Variants in TXNRD1 observed in about 807,000 individuals in gnomAD.
The protein encoded by TXNRD1 is thioredoxin reductase 1, cytoplasmic.
In TXNRD1, 57 loss-of-function variants were observed where a neutral mutation model predicts 80.3. The observed-to-expected ratio is 0.71, with a 90% CI of 0.57 to 0.89. The LOEUF (loss-of-function observed/expected upper bound fraction) is 0.89, where lower values mean the gene tolerates loss of function less well. Among genes scored for constraint, TXNRD1 ranks in the 40% least tolerant of loss-of-function variants. The pLI is 0.00. For missense variants in TXNRD1, 730 were observed against 803.0 expected, an observed-to-expected ratio of 0.91 and a Z score of 1.10; for synonymous variants, 291 against 285.2, an observed-to-expected ratio of 1.02 and a Z score of -0.20.
intron 1 of TXNRD1, among the ~76,000 whole-genome samples, chr12:104,224,294 A>G (rs1435382820): frequency 2.6e-5 from 4 of 152,106 alleles, no homozygotes; most frequent in African/African-American, 9.7e-5. Context: ...CTTTCTGGAC[A>G]TCTGTGGCTC....
At chr12:104,250,471 G>A (rs1489801376) in intron 1 of TXNRD1, among the ~76,000 whole-genome samples, 1 of 152,098 alleles carries the variant, frequency 6.6e-6, no homozygotes, top group Non-Finnish European at 1.5e-5. Context: ...TAAAGTGTAG[G>A]TTCTAGAGAA....
chr12:104,229,571 T>TTATTTTATTTTATTGTATTG (rs1555205616), intron 1 of TXNRD1, among the ~76,000 whole-genome samples: 9 of 148,066 alleles, frequency 6.1e-5, no homozygotes, highest in African/African-American at 2.3e-4. Flanking sequence ...ACATTTTATT[T>TTATTTTATTTTATTGTATTG]TATTTTATTT....
chr12:104,233,536 T>C (rs1174217769), intron 1 of TXNRD1, among the ~76,000 whole-genome samples: 4 of 152,234 alleles, frequency 2.6e-5, no homozygotes, highest in Non-Finnish European at 5.9e-5. Flanking sequence ...ACTCATTTTT[T>C]TCTGGATGGA....
At chr12:104,323,780 G>A (rs1180696767) in intron 10 of TXNRD1, among the ~76,000 whole-genome samples, 2 of 142,722 alleles carry the variant, frequency 1.4e-5, no homozygotes, top group African/African-American at 5.1e-5. Flanking sequence ...TCACCTCCCG[G>A]ACGGGGCGGC....
At chr12:104,235,349 C>T (rs10861174) in intron 1 of TXNRD1, among the ~76,000 whole-genome samples, 33,736 of 151,846 alleles carry the variant, frequency 0.22, 4,259 homozygotes, top group Middle Eastern at 0.4. Flanking sequence ...AGATTGGGAA[C>T]GGATGTGCGT....
At chr12:104,275,165 C>T (rs186612475) in intron 3 of TXNRD1, among the ~76,000 whole-genome samples, 29 of 151,142 alleles carry the variant, frequency 1.9e-4, no homozygotes, top group Admixed American at 8.6e-4. Flanking sequence ...GTAATCCCAG[C>T]TACTCGGGTG....
intron 10 of TXNRD1, among the ~76,000 whole-genome samples, chr12:104,324,932 T>C (rs2035703282): frequency 6.6e-6 from 1 of 152,206 alleles, no homozygotes; most frequent in African/African-American, 2.4e-5. Flanking sequence ...GCATCTGTAG[T>C]CAAAAGAGAA....
At chr12:104,278,499 T>TA (rs1459103053) in intron 3 of TXNRD1, among the ~76,000 whole-genome samples, 1 of 70,952 alleles carries the variant, frequency 1.4e-5, no homozygotes, top group Non-Finnish European at 2.5e-5. Context: ...GCGCCCAGCC[T>TA]AATTTTTTTT....
At chr12:104,220,438 T>G (rs568549131) in intron 1 of TXNRD1, among the ~76,000 whole-genome samples, 1 of 152,174 alleles carries the variant, frequency 6.6e-6, no homozygotes, top group African/African-American at 2.4e-5. Context: ...AAAAGTGTAT[T>G]TTAGGCCAGG....
At chr12:104,252,477 AGGGTGGAC>A (rs1431260355) in intron 2 of TXNRD1, among the ~76,000 whole-genome samples, 2 of 151,194 alleles carry the variant, frequency 1.3e-5, no homozygotes. Context: ...TGAATAAACC[AGGGTGGAC>A]TTAACCATTA....
intron 1 of TXNRD1, among the ~76,000 whole-genome samples, chr12:104,249,108 G>C (rs185461298): frequency 1.5e-3 from 230 of 152,336 alleles, no homozygotes; most frequent in Non-Finnish European, 2.4e-3. Context: ...ATCAACAACA[G>C]AAAACAATTT....
intron 3 of TXNRD1, among the ~76,000 whole-genome samples, chr12:104,260,797 C>T (rs1249644487): frequency 6.6e-6 from 1 of 152,096 alleles, no homozygotes. Context: ...GAAAAATAAC[C>T]AAACGGAACA....
chr12:104,342,694 C>T (rs1199255776), intron 16 of TXNRD1, among the ~76,000 whole-genome samples: 1 of 151,960 alleles, frequency 6.6e-6, no homozygotes, highest in African/African-American at 2.4e-5. Flanking sequence ...GCTGGAGAAA[C>T]AGGTGGGTAA....
chr12:104,329,871 G>A (rs1434818135), intron 13 of TXNRD1, among the ~76,000 whole-genome samples: 1 of 152,160 alleles, frequency 6.6e-6, no homozygotes, highest in African/African-American at 2.4e-5. Flanking sequence ...TCTCTGCACT[G>A]AGGCTTAGAA....
Position 104,309,879 on chromosome 12 carries a change from A to G in TXNRD1, c.415-1411A>G, listed in dbSNP as rs533192831. The G allele has an allele frequency of 2.0e-6, 3 of 1,535,760 alleles. No individual in the cohort carries two copies. In the Admixed American group the frequency reaches 5.9e-5, roughly 30 times the overall value. On this transcript the variant is annotated intron_variant, in intron 4 of 16. Transcript: ENST00000525566. ...GTCAGAGTGGTGCAGTCTTGCCCCC[A>G]CTGTTGCTGGTTTCCAGGTGTTCTC...
intron 4 of TXNRD1, chr12:104,310,177 ACTCTGTGAGACT>A (rs2035082195): frequency 1.4e-6 from 1 of 714,500 alleles, no homozygotes; most frequent in African/African-American, 3.5e-5. Flanking sequence ...ATGGAGTCTC[ACTCTGTGAGACT>A]CCCAGGCTGG....
intron 3 of TXNRD1, among the ~76,000 whole-genome samples, chr12:104,267,838 C>T: frequency 6.9e-6 from 1 of 145,518 alleles, no homozygotes. Context: ...CTCCTTCCCT[C>T]CTTCCTTCCT....
chr12:104,271,796 T>C (rs1414107177), intron 3 of TXNRD1, among the ~76,000 whole-genome samples: 1 of 151,122 alleles, frequency 6.6e-6, no homozygotes, highest in Non-Finnish European at 1.5e-5. Context: ...CTGACACTCA[T>C]GAGGCAGAGG....
intron 4 of TXNRD1, chr12:104,303,693 G>C (rs1369007880): frequency 3.5e-6 from 2 of 572,376 alleles, no homozygotes; most frequent in African/African-American, 4.0e-5. Flanking sequence ...GTCTTCCCGC[G>C]GAGCGTGCTG....
Sources: allele counts gnomAD v4.1 joint callset (sites outside exome capture counted in the v4.1 genomes callset), GRCh38; gene constraint gnomAD v4.1.1; transcripts MANE v1.5; gene names NCBI Gene and HGNC (gene_info 2026-07-23, HGNC 2026-07-21).